The following SLC8A1 variants were observed in gnomAD, a reference collection of about 807,000 sequenced individuals.
The protein encoded by SLC8A1 is solute carrier family 8 member A1.
A neutral mutation model predicts 68.3 loss-of-function variants in SLC8A1; 18 were observed. The ratio of observed to expected loss-of-function variants is 0.26; its 90% CI spans 0.18 to 0.39. The LOEUF (loss-of-function observed/expected upper bound fraction) is 0.39. SLC8A1 is among the 10% of genes least tolerant of loss of function. SLC8A1 has a pLI of 1.00. For missense variants in SLC8A1, 985 were observed against 1,156.7 expected, an observed-to-expected ratio of 0.85 and a Z score of 2.15; for synonymous variants, 475 against 415.5, an observed-to-expected ratio of 1.14 and a Z score of -1.74.
At chr2:40,425,565 A>AT (rs926478321) in intron 2 of SLC8A1, among the ~76,000 whole-genome samples, 16 of 150,886 alleles carry the variant, frequency 1.1e-4, no homozygotes, top group Admixed American at 3.3e-4. Context: ...TTAAACAAAC[A>AT]TTTTTTTTTC....
chr2:40,319,377 T>A (rs1056658632), intron 2 of SLC8A1, among the ~76,000 whole-genome samples: 3 of 152,102 alleles, frequency 2.0e-5, no homozygotes, highest in African/African-American at 7.2e-5. Context: ...TCACTTAATA[T>A]CATCAGGGTT....
At position 40,421,111 on chromosome 2, in the gene SLC8A1, CCAT is replaced by C. The variant is rs200398693; in HGVS notation, c.1808+7359_1808+7361del. 7.0e-3 allele frequency among the ~76,000 whole-genome samples: 1,070 copies of C among 152,176 alleles called. 10 individuals carry two copies. Among genetic ancestry groups the C allele is most frequent in the South Asian group, 0.027 (131 of 4,818 alleles). ...ACACCAAAAATAATCACCACTACCG[CCAT>C]CATCTCCAACACTATCACCACCAAC... is the stretch of plus-strand genomic sequence containing the variant. On this transcript the variant is annotated intron_variant, in intron 2 of 7. Transcript: ENST00000406785.
exon 8 of SLC8A1, chr2:40,101,493 G>A (rs1378513774): frequency 1.3e-5 from 2 of 148,766 alleles, no homozygotes; most frequent in African/African-American, 4.9e-5. Context: ...TAGATCAGCT[G>A]TGGGGTTTTA....
At chr2:40,225,946 C>A (rs1457024734) in intron 2 of SLC8A1, among the ~76,000 whole-genome samples, 7 of 152,166 alleles carry the variant, frequency 4.6e-5, no homozygotes, top group African/African-American at 1.7e-4. Context: ...AATCCTGATG[C>A]TTTTACATAA....
intron 1 of SLC8A1, among the ~76,000 whole-genome samples, chr2:40,458,313 A>G (rs919605223): frequency 7.2e-5 from 11 of 152,168 alleles, no homozygotes; most frequent in Admixed American, 1.3e-4. Context: ...ACCTGACATA[A>G]GCAGATTGGA....
intron 6 of SLC8A1, among the ~76,000 whole-genome samples, chr2:40,151,275 G>A (rs1052277438): frequency 4.6e-5 from 7 of 151,926 alleles, no homozygotes; most frequent in Non-Finnish European, 8.8e-5. Context: ...GTGCGTGTGT[G>A]TGTGTGTGTG....
intron 2 of SLC8A1, among the ~76,000 whole-genome samples, chr2:40,191,256 C>T (rs979554956): frequency 2.0e-5 from 3 of 152,168 alleles, no homozygotes; most frequent in African/African-American, 7.2e-5. Context: ...TACCCACTAA[C>T]TGTGGACTCT....
intron 2 of SLC8A1, among the ~76,000 whole-genome samples, chr2:40,325,083 C>CA (rs1049631782): frequency 6.6e-6 from 1 of 152,008 alleles, no homozygotes; most frequent in Non-Finnish European, 1.5e-5. Flanking sequence ...TGTGAAGGCC[C>CA]ACTTCCTCCC....
At chr2:40,165,797 G>A (rs1422620494) in intron 4 of SLC8A1, among the ~76,000 whole-genome samples, 1 of 152,146 alleles carries the variant, frequency 6.6e-6, no homozygotes, top group African/African-American at 2.4e-5. Context: ...CCATTAATGA[G>A]GGGAAGCTCA....
At chr2:40,411,195 C>T (rs562680060) in intron 2 of SLC8A1, among the ~76,000 whole-genome samples, 3 of 152,144 alleles carry the variant, frequency 2.0e-5, no homozygotes, top group African/African-American at 7.2e-5. Flanking sequence ...GAGTTTTGAA[C>T]ACTAATAGTT....
chr2:40,151,268 C>CGTGTGT (rs3059326), intron 6 of SLC8A1, among the ~76,000 whole-genome samples: 4 of 151,006 alleles, frequency 2.6e-5, no homozygotes, highest in East Asian at 3.9e-4. Flanking sequence ...GTGTATGGTG[C>CGTGTGT]GTGTGTGTGT....
intron 7 of SLC8A1, among the ~76,000 whole-genome samples, chr2:40,118,100 G>A (rs7594419): frequency 0.82 from 124,831 of 152,214 alleles, 52,063 homozygotes; most frequent in East Asian, 0.99. Flanking sequence ...GGCAACGTGT[G>A]TATTCTCATT....
chr2:40,263,044 G>A lies in SLC8A1; in HGVS notation c.1809-85189C>T, dbSNP rs184198893. ...GACATGGCTATGCCAACTCTAAAAT[G>A]GTTTCATCATGTAAACAGTCCTTCA... is the stretch of plus-strand genomic sequence containing the variant. On this transcript the variant is annotated intron_variant, in intron 2 of 7. Transcript: ENST00000406785. Among the ~76,000 whole-genome samples the A allele has an allele frequency of 2.6e-5, 4 of 152,278 alleles. No individual in the cohort carries two copies. In the East Asian group the frequency reaches 5.8e-4, roughly 22 times the overall value.
At chr2:40,282,694 G>T (rs1461855000) in intron 2 of SLC8A1, among the ~76,000 whole-genome samples, 2 of 152,050 alleles carry the variant, frequency 1.3e-5, no homozygotes, top group Admixed American at 1.3e-4. Flanking sequence ...TCTCATTCTT[G>T]CAGGAAATAA....
chr2:40,336,683 CA>C (rs1666088792), intron 2 of SLC8A1, among the ~76,000 whole-genome samples: 2 of 152,106 alleles, frequency 1.3e-5, no homozygotes, highest in Non-Finnish European at 2.9e-5. Context: ...CTTTCGTTCA[CA>C]AAAATACAGG....
At chr2:40,408,100 C>T (rs150563535) in intron 2 of SLC8A1, among the ~76,000 whole-genome samples, 1 of 152,312 alleles carries the variant, frequency 6.6e-6, no homozygotes, top group East Asian at 1.9e-4. Context: ...GCCACAGAAA[C>T]AGCCCTATAT....
intron 1 of SLC8A1, among the ~76,000 whole-genome samples, chr2:40,476,807 T>C (rs1375197700): frequency 6.6e-6 from 1 of 152,078 alleles, no homozygotes; most frequent in African/African-American, 2.4e-5. Flanking sequence ...TTTATGAGAG[T>C]GCAAAAAGCC....
At chr2:40,154,974 C>G (rs1175136720) in intron 6 of SLC8A1, among the ~76,000 whole-genome samples, 1 of 152,026 alleles carries the variant, frequency 6.6e-6, no homozygotes, top group Non-Finnish European at 1.5e-5. Context: ...GAACCTCAGT[C>G]AACATATGAT....
chr2:40,138,714 G>A (rs901861786), intron 7 of SLC8A1, among the ~76,000 whole-genome samples: 2 of 152,122 alleles, frequency 1.3e-5, no homozygotes, highest in African/African-American at 4.8e-5. Flanking sequence ...ACCAAAGTTT[G>A]AAAATTATTG....
Sources: allele counts gnomAD v4.1 joint callset (sites outside exome capture counted in the v4.1 genomes callset), GRCh38; gene constraint gnomAD v4.1.1; transcripts MANE v1.5; gene names NCBI Gene and HGNC (gene_info 2026-07-23, HGNC 2026-07-21).